The following ZNF782 variants were observed in gnomAD, a reference collection of about 807,000 sequenced individuals.
ZNF782 encodes zinc finger protein 782.
ZNF782 carries 12 observed loss-of-function variants against 13.0 expected under a neutral mutation model. The observed-to-expected ratio is 0.92, with a 90% CI of 0.59 to 1.50. The LOEUF (loss-of-function observed/expected upper bound fraction) is 1.50, where lower values mean the gene tolerates loss of function less well. ZNF782 is among the 40% of genes most tolerant of loss of function. The pLI is 0.00. For synonymous variants in ZNF782, 284 were observed against 283.0 expected (o/e 1.00, Z -0.04); for missense variants, 770 against 822.9 (o/e 0.94, Z 0.79).
intron 4 of ZNF782, among the ~76,000 whole-genome samples, chr9:96,834,284 C>T (rs1203498335): frequency 6.6e-6 from 1 of 152,176 alleles, no homozygotes; most frequent in Non-Finnish European, 1.5e-5. Flanking sequence ...AATGGGCTTC[C>T]CCCTTCACTG....
At chr9:96,892,991 CCTCGGAGCG>C in the ZNF782 span, 2 of 151,892 alleles carry the variant, frequency 1.3e-5, no homozygotes, top group Non-Finnish European at 2.9e-5. Flanking sequence ...CTCATAACAC[CCTCGGAGCG>C]CTCACTCTCT....
the ZNF782 span, among the ~76,000 whole-genome samples, chr9:96,905,069 T>C: frequency 1.1e-4 from 17 of 149,310 alleles, 1 homozygote; most frequent in East Asian, 3.0e-3. Context: ...TCAGAGGCAT[T>C]TGAGCCAGAG....
At chr9:96,831,803 T>A (rs1340357472) in intron 4 of ZNF782, among the ~76,000 whole-genome samples, 1 of 152,196 alleles carries the variant, frequency 6.6e-6, no homozygotes, top group African/African-American at 2.4e-5. Flanking sequence ...AAGTCTGTTT[T>A]ATCTGATATT....
chr9:96,857,740 TA>T (rs1395209627), upstream of ZNF782, among the ~76,000 whole-genome samples: 2 of 152,240 alleles, frequency 1.3e-5, no homozygotes, highest in African/African-American at 4.8e-5. Flanking sequence ...AATTTTTCAA[TA>T]TTTTTTTGCT....
intron 5 of ZNF782, among the ~76,000 whole-genome samples, chr9:96,821,135 C>T (rs1351144190): frequency 6.6e-6 from 1 of 152,172 alleles, no homozygotes; most frequent in Non-Finnish European, 1.5e-5. Flanking sequence ...AAATGTCAGC[C>T]TTGTGCTAAA....
chr9:96,853,330 C>T (rs1226662594), intron 1 of ZNF782, among the ~76,000 whole-genome samples: 1 of 152,160 alleles, frequency 6.6e-6, no homozygotes, highest in African/African-American at 2.4e-5. Context: ...TGACCATACA[C>T]ATCTAGGATC....
In ZNF782 at chr9:96,819,171, A is replaced by G. The variant is rs907116441; in HGVS notation, c.852T>C (p.Thr284=). The G allele has an allele frequency of 6.2e-7, 1 of 1,613,118 alleles. No individual in the cohort carries two copies. Among genetic ancestry groups the G allele is most frequent in the Non-Finnish European group, 8.5e-7 (1 of 1,179,534 alleles). Residue 284 remains threonine (T), a synonymous_variant, in exon 6 of 6, where the codon ACT becomes ACC. Transcript: ENST00000481138. ...NDTGNCFCRI[T]HKTLTGGKSF... is the part of the protein sequence containing the mutation. ...ATTTCCCTCCTGTGAGAGTTTTGTGAGTGATTCTACAGAAACAATTTCCAG... is the reference window on the plus strand; with the variant it reads ...ATTTCCCTCCTGTGAGAGTTTTGTGGGTGATTCTACAGAAACAATTTCCAG...
At chr9:96,837,760 G>A (rs1009778271) in intron 4 of ZNF782, among the ~76,000 whole-genome samples, 2 of 152,100 alleles carry the variant, frequency 1.3e-5, no homozygotes, top group Non-Finnish European at 2.9e-5. Context: ...TTTGTCTTAT[G>A]ATTTTTTGAC....
the ZNF782 span, chr9:96,918,514 C>T: frequency 6.7e-6 from 1 of 150,208 alleles, no homozygotes; most frequent in African/African-American, 2.4e-5. Context: ...TATGGATGGG[C>T]AGAGACAGGA....
the ZNF782 span, among the ~76,000 whole-genome samples, chr9:96,919,766 G>A: frequency 6.7e-6 from 1 of 150,066 alleles, no homozygotes; most frequent in African/African-American, 2.4e-5. Flanking sequence ...GTTTCACCAT[G>A]TTGGCCTGGT....
chr9:96,897,856 G>C, the ZNF782 span: 1 of 151,918 alleles, frequency 6.6e-6, no homozygotes, highest in Non-Finnish European at 1.5e-5. Context: ...CTGAAGGTGA[G>C]ATATTGGCTG....
At chr9:96,900,140 C>T in the ZNF782 span, among the ~76,000 whole-genome samples, 1 of 151,558 alleles carries the variant, frequency 6.6e-6, no homozygotes, top group East Asian at 1.9e-4. Context: ...ATTTAATAGC[C>T]TTTACTCTGA....
chr9:96,826,515 T>C (rs989205586), intron 5 of ZNF782, among the ~76,000 whole-genome samples: 2 of 152,134 alleles, frequency 1.3e-5, no homozygotes, highest in African/African-American at 4.8e-5. Flanking sequence ...AACCTGCACA[T>C]TGTGCACATG....
chr9:96,820,846 G>A (rs1242374637), intron 5 of ZNF782, among the ~76,000 whole-genome samples: 2 of 152,080 alleles, frequency 1.3e-5, no homozygotes, highest in African/African-American at 2.4e-5. Flanking sequence ...CACCACATCC[G>A]GCCAATAGTG....
At chr9:96,849,548 G>T (rs1851433230) in intron 3 of ZNF782, among the ~76,000 whole-genome samples, 1 of 152,190 alleles carries the variant, frequency 6.6e-6, no homozygotes, top group Non-Finnish European at 1.5e-5. Flanking sequence ...TCTGTGACCT[G>T]AAACCATAGA....
At chr9:96,894,233 A>C in the ZNF782 span, 1 of 151,982 alleles carries the variant, frequency 6.6e-6, no homozygotes, top group Non-Finnish European at 1.5e-5. Context: ...TAGGAGAAAT[A>C]CCTAATGTAA....
At chr9:96,916,527 C>T in the ZNF782 span, among the ~76,000 whole-genome samples, 6 of 151,924 alleles carry the variant, frequency 3.9e-5, no homozygotes, top group Non-Finnish European at 8.8e-5. Flanking sequence ...ATATCCGGAA[C>T]GCCTTCCGTC....
At chr9:96,877,616 G>C (rs1025335668), upstream of ZNF782, among the ~76,000 whole-genome samples, 24 of 152,372 alleles carry the variant, frequency 1.6e-4, no homozygotes, top group African/African-American at 5.5e-4. Context: ...GAGATCTGGG[G>C]GCCCCGTGGG....
chr9:96,834,330 G>A (rs566944900), intron 4 of ZNF782, among the ~76,000 whole-genome samples: 1 of 152,280 alleles, frequency 6.6e-6, no homozygotes, highest in African/African-American at 2.4e-5. Flanking sequence ...CTGTGAAGAG[G>A]TGCCTTCCAC....
Sources: gnomAD v4.1 joint callset for allele counts (sites outside exome capture counted in the v4.1 genomes callset) on GRCh38, gnomAD v4.1.1 for gene constraint, MANE v1.5 for transcripts, NCBI Gene and HGNC (gene_info 2026-07-23, HGNC 2026-07-21) for gene names.